CERS6: variants seen among roughly 807,000 people sequenced by gnomAD.
CERS6 encodes the protein LAG1 homolog, ceramide synthase 6.
A neutral mutation model predicts 56.8 loss-of-function variants in CERS6; 26 were observed. The ratio of observed to expected loss-of-function variants is 0.46; its 90% CI spans 0.34 to 0.63. The LOEUF is 0.63. Ranked by LOEUF, CERS6 falls within the 30% of genes least tolerant of loss-of-function variation. The pLI is 0.01. For missense variants in CERS6, 415 were observed against 467.5 expected (o/e 0.89, Z 1.04); for synonymous variants, 164 against 173.3 (o/e 0.95, Z 0.42).
intron 3 of CERS6, among the ~76,000 whole-genome samples, chr2:168,615,526 C>G (rs1684295107): frequency 6.7e-6 from 1 of 148,160 alleles, no homozygotes; most frequent in Non-Finnish European, 1.5e-5. Flanking sequence ...AAATAAAATA[C>G]AATAAAAACT....
rs1574073871 is a variant in CERS6 at position 168,572,924 on chromosome 2, G to T, written c.407+11602G>T. On this transcript the variant is annotated intron_variant, in intron 3 of 9. Transcript: ENST00000305747. Reference sequence around the variant, plus strand: ...ATGAGTCAATTAACTGGACTTCAGGGATTGAAGTGAATCTCTAGGGACTAG... The same window carrying T: ...ATGAGTCAATTAACTGGACTTCAGGTATTGAAGTGAATCTCTAGGGACTAG... Among the ~76,000 whole-genome samples, 3 of 152,128 alleles carry T rather than the reference G, an allele frequency of 2.0e-5. No individual in the cohort carries two copies. The East Asian group carries it at 5.8e-4, about 29-fold the overall frequency.
chr2:168,538,639 A>G (rs1040127969), intron 1 of CERS6, among the ~76,000 whole-genome samples: 21 of 151,974 alleles, frequency 1.4e-4, no homozygotes, highest in Non-Finnish European at 4.4e-5. Context: ...TTTATTTTTA[A>G]TCTCCCTCTG....
chr2:168,770,552 T>G lies in CERS6; in HGVS notation c.*890T>G, dbSNP rs1295033288. 6.6e-6 allele frequency: 1 copy of G among 152,634 alleles called. No homozygotes were observed. The highest frequency in any genetic ancestry group is 2.4e-5 in the African/African-American group (1 of 41,460). 9.5% of individuals were successfully genotyped at this position (152,634 alleles called of 1,614,324 possible). A position where few individuals can be genotyped will look rare whatever the true frequency, so the allele number is the denominator to read the frequency against. On this transcript the variant is annotated 3_prime_UTR_variant, in exon 10 of 10. Transcript: ENST00000305747. ...AGAGAGCAACTGATTTCAGCCAGGTTTTGCCACTACCCTATAATTAGTGCA... is the reference window on the plus strand; with the variant it reads ...AGAGAGCAACTGATTTCAGCCAGGTGTTGCCACTACCCTATAATTAGTGCA...
intron 1 of CERS6, among the ~76,000 whole-genome samples, chr2:168,515,956 G>A (rs1423450450): frequency 1.3e-5 from 2 of 152,176 alleles, no homozygotes; most frequent in East Asian, 3.8e-4. Context: ...CTTTCTGTTG[G>A]ACATTCTCCA....
intron 4 of CERS6, among the ~76,000 whole-genome samples, chr2:168,656,164 A>G (rs1685463504): frequency 6.6e-6 from 1 of 152,196 alleles, no homozygotes; most frequent in Non-Finnish European, 1.5e-5. Context: ...ACTTATTCCA[A>G]GGAAGTCATT....
chr2:168,581,213 T>G (rs1367474561), intron 3 of CERS6, among the ~76,000 whole-genome samples: 1 of 152,180 alleles, frequency 6.6e-6, no homozygotes, highest in African/African-American at 2.4e-5. Context: ...GAGACAGTGT[T>G]TCACCATGTT....
Position 168,772,830 on chromosome 2 carries a change from A to C in CERS6, c.*3168A>C, listed in dbSNP as rs536396536. On this transcript the variant is annotated 3_prime_UTR_variant, in exon 10 of 10. Transcript: ENST00000305747. The stretch of plus-strand genomic sequence containing the variant: ...CTGGGCTGCATCATTATATAATGCC[A>C]CAGGCATCTAGTCAAGGTAAAGAAG... 1 of 152,772 alleles carries C rather than the reference A, an allele frequency of 6.5e-6. No individual in the cohort carries two copies. Among genetic ancestry groups the C allele is most frequent in the East Asian group, 1.9e-4 (1 of 5,186 alleles). 9.5% of individuals were successfully genotyped at this position (152,772 alleles called of 1,614,324 possible). A position where few individuals can be genotyped will look rare whatever the true frequency, so the allele number is the denominator to read the frequency against.
At chr2:168,723,362 C>T (rs899020373) in intron 8 of CERS6, among the ~76,000 whole-genome samples, 9 of 152,126 alleles carry the variant, frequency 5.9e-5, no homozygotes, top group African/African-American at 2.2e-4. Flanking sequence ...TAGTTCTGAC[C>T]CTGGAACGAT....
At chr2:168,652,941 G>A (rs1373226161) in intron 4 of CERS6, among the ~76,000 whole-genome samples, 1 of 152,170 alleles carries the variant, frequency 6.6e-6, no homozygotes, top group Non-Finnish European at 1.5e-5. Flanking sequence ...TCTGTGGCAA[G>A]TTGTTGACTG....
chr2:168,610,013 T>C (rs1435206995), intron 3 of CERS6, among the ~76,000 whole-genome samples: 1 of 141,606 alleles, frequency 7.1e-6, no homozygotes, highest in Non-Finnish European at 1.5e-5. Flanking sequence ...CATCTCGCTA[T>C]GTTGCCCAGG....
chr2:168,723,607 G>T (rs1275971975), intron 8 of CERS6, among the ~76,000 whole-genome samples: 1 of 152,144 alleles, frequency 6.6e-6, no homozygotes, highest in Non-Finnish European at 1.5e-5. Flanking sequence ...TTCTCTACCA[G>T]TTGTCTTAAT....
intron 1 of CERS6, among the ~76,000 whole-genome samples, chr2:168,484,962 A>G (rs1239852756): frequency 6.6e-6 from 1 of 152,220 alleles, no homozygotes; most frequent in Non-Finnish European, 1.5e-5. Flanking sequence ...CAAATGAATA[A>G]CTAGGCATAT....
intron 6 of CERS6, among the ~76,000 whole-genome samples, chr2:168,698,255 G>GAA (rs869056813): frequency 3.9e-4 from 7 of 17,946 alleles, no homozygotes; most frequent in African/African-American, 5.8e-4. Flanking sequence ...AAAAAAAAAA[G>GAA]AAAAAAAAAA....
intron 8 of CERS6, among the ~76,000 whole-genome samples, chr2:168,747,625 G>T (rs769880439): frequency 6.6e-6 from 1 of 151,760 alleles, no homozygotes; most frequent in Admixed American, 6.6e-5. Flanking sequence ...GTATTTGAGT[G>T]GTTTCATTTT....
chr2:168,563,873 A>C (rs922286310), intron 3 of CERS6, among the ~76,000 whole-genome samples: 1 of 152,008 alleles, frequency 6.6e-6, no homozygotes, highest in South Asian at 2.1e-4. Flanking sequence ...GAAAGGATCA[A>C]CTGTAGGTTG....
At chr2:168,738,624 A>C (rs995403021) in intron 8 of CERS6, among the ~76,000 whole-genome samples, 1 of 152,226 alleles carries the variant, frequency 6.6e-6, no homozygotes, top group African/African-American at 2.4e-5. Flanking sequence ...AAAATGGAAC[A>C]TTATAACTTG....
chr2:168,692,773 A>G (rs1306644787), intron 5 of CERS6, among the ~76,000 whole-genome samples: 7 of 152,104 alleles, frequency 4.6e-5, no homozygotes, highest in Admixed American at 3.9e-4. Flanking sequence ...GTGGGGGGGA[A>G]CTAAACAGCA....
chr2:168,630,212 A>G (rs1172340495), intron 3 of CERS6, among the ~76,000 whole-genome samples: 1 of 151,912 alleles, frequency 6.6e-6, no homozygotes, highest in African/African-American at 2.4e-5. Flanking sequence ...CATCCAGCCA[A>G]CTTTTAAAGG....
intron 8 of CERS6, among the ~76,000 whole-genome samples, chr2:168,738,760 T>TA (rs1268614593): frequency 6.6e-6 from 1 of 152,210 alleles, no homozygotes. Context: ...AAAATGAATG[T>TA]AGTACCCGTG....
Sources: gnomAD v4.1 joint callset for allele counts (sites outside exome capture counted in the v4.1 genomes callset) on GRCh38, gnomAD v4.1.1 for gene constraint, MANE v1.5 for transcripts, NCBI Gene and HGNC (gene_info 2026-07-23, HGNC 2026-07-21) for gene names.